The following ELOVL4 variants were observed in gnomAD, a reference collection of about 807,000 sequenced individuals.
ELOVL4 encodes very long chain fatty acid elongase 4.
Under a neutral mutation model 42.1 loss-of-function variants are expected in ELOVL4, and 18 were observed. The ratio of observed to expected loss-of-function variants is 0.43; its 90% confidence interval spans 0.30 to 0.63. The LOEUF is 0.63. ELOVL4 is among the 30% of genes least tolerant of loss of function. The pLI is 0.15. For synonymous variants in ELOVL4, 117 were observed against 127.0 expected, an observed-to-expected ratio of 0.92 and a Z score of 0.53; for missense variants, 299 against 376.2, an observed-to-expected ratio of 0.79 and a Z score of 1.70.
intron 1 of ELOVL4, among the ~76,000 whole-genome samples, chr6:79,941,165 T>C (rs1774637914): frequency 2.0e-5 from 3 of 152,234 alleles, no homozygotes; most frequent in South Asian, 4.1e-4. Flanking sequence ...ATAAAGAAAG[T>C]GATATCTATA....
intron 1 of ELOVL4, among the ~76,000 whole-genome samples, chr6:79,945,985 C>A (rs1331414940): frequency 6.6e-6 from 1 of 152,148 alleles, no homozygotes; most frequent in Admixed American, 6.5e-5. Context: ...AAAATAATTC[C>A]AGCATACGTT....
intron 1 of ELOVL4, among the ~76,000 whole-genome samples, chr6:79,936,107 A>T (rs1774538329): frequency 6.6e-6 from 1 of 152,214 alleles, no homozygotes; most frequent in Non-Finnish European, 1.5e-5. Flanking sequence ...CCTAGATTCT[A>T]TCCGAATAAA....
chr6:79,936,336 C>T (rs1774542283), intron 1 of ELOVL4, among the ~76,000 whole-genome samples: 1 of 152,090 alleles, frequency 6.6e-6, no homozygotes, highest in African/African-American at 2.4e-5. Context: ...CATCTGGCTA[C>T]TGATCACCAC....
At chr6:79,929,354 C>T (rs374253984) in intron 1 of ELOVL4, among the ~76,000 whole-genome samples, 27 of 152,190 alleles carry the variant, frequency 1.8e-4, no homozygotes, top group African/African-American at 5.1e-4. Flanking sequence ...CATCCTCCCA[C>T]CTCAGACTCC....
At chr6:79,935,370 A>G (rs967954261) in intron 1 of ELOVL4, among the ~76,000 whole-genome samples, 5 of 152,182 alleles carry the variant, frequency 3.3e-5, no homozygotes, top group Non-Finnish European at 7.4e-5. Flanking sequence ...AAAAGAAAAA[A>G]CAGTAATTAA....
chr6:79,934,556 T>C (rs1339128121), intron 1 of ELOVL4, among the ~76,000 whole-genome samples: 1 of 152,162 alleles, frequency 6.6e-6, no homozygotes, highest in Non-Finnish European at 1.5e-5. Flanking sequence ...ATGTCTCATG[T>C]CAGAGATAAT....
intron 1 of ELOVL4, among the ~76,000 whole-genome samples, chr6:79,940,882 TAAACAGGTATAGTGTTACAGC>T (rs1190150550): frequency 3.3e-5 from 5 of 152,228 alleles, no homozygotes; most frequent in African/African-American, 1.2e-4. Flanking sequence ...TCCAGATAAT[TAAACAGGTATAGTGTTACAGC>T]AACAAAAGCA....
At chr6:79,924,457 C>T (rs757133388) in intron 3 of ELOVL4, among the ~76,000 whole-genome samples, 1 of 152,076 alleles carries the variant, frequency 6.6e-6, no homozygotes, top group Non-Finnish European at 1.5e-5. Flanking sequence ...TTTTGAGATA[C>T]AAAAACAAAT....
chr6:79,943,909 T>C (rs1185925262), intron 1 of ELOVL4, among the ~76,000 whole-genome samples: 2 of 152,002 alleles, frequency 1.3e-5, no homozygotes, highest in Admixed American at 1.3e-4. Context: ...GTAGACAATT[T>C]TTTTCACCAA....
chr6:79,944,088 C>T (rs1243089261), intron 1 of ELOVL4, among the ~76,000 whole-genome samples: 1 of 152,146 alleles, frequency 6.6e-6, no homozygotes, highest in Non-Finnish European at 1.5e-5. Context: ...CCTACTAACT[C>T]TCTAGGGTGT....
chr6:79,939,031 T>A (rs147692113), intron 1 of ELOVL4, among the ~76,000 whole-genome samples: 2 of 152,340 alleles, frequency 1.3e-5, no homozygotes, highest in Non-Finnish European at 2.9e-5. Context: ...AAGGCCTATC[T>A]CCCAGAGTTA....
chr6:79,919,948 T>C (rs1774224243), intron 4 of ELOVL4, among the ~76,000 whole-genome samples: 1 of 152,198 alleles, frequency 6.6e-6, no homozygotes, highest in Non-Finnish European at 1.5e-5. Flanking sequence ...GGTTTCTAAA[T>C]AGTTTAAAAT....
chr6:79,940,070 A>G (rs1439819730), intron 1 of ELOVL4, among the ~76,000 whole-genome samples: 1 of 152,198 alleles, frequency 6.6e-6, no homozygotes, highest in Non-Finnish European at 1.5e-5. Context: ...CGTGTGTGAA[A>G]AAATATATAA....
intron 1 of ELOVL4, among the ~76,000 whole-genome samples, chr6:79,942,748 T>A (rs992698662): frequency 2.0e-5 from 3 of 152,200 alleles, no homozygotes; most frequent in Non-Finnish European, 2.9e-5. Context: ...CTCCTGGAAT[T>A]CCATCTGCAA....
chr6:79,922,447 C>T (rs563812692), intron 3 of ELOVL4, among the ~76,000 whole-genome samples: 69 of 152,250 alleles, frequency 4.5e-4, no homozygotes, highest in African/African-American at 1.7e-3. Flanking sequence ...TTTTCCTGGG[C>T]TCTAATTAAG....
chr6:79,938,436 T>G (rs1774585656), intron 1 of ELOVL4, among the ~76,000 whole-genome samples: 1 of 152,056 alleles, frequency 6.6e-6, no homozygotes. Flanking sequence ...ATAAGTTGAA[T>G]AGCCACTGGG....
At position 79,936,768 on chromosome 6, in the gene ELOVL4, G is replaced by C. The variant is rs549423320; in HGVS notation, c.101-10387C>G. 4.6e-5 allele frequency among the ~76,000 whole-genome samples: 7 copies of C among 152,290 alleles called. No homozygotes were observed. The East Asian group carries it at 1.2e-3, about 25-fold the overall frequency. ...CATGTCTATCAGTGAGGTGAAAAAG[G>C]CAGAACTAGAAGAGAAGGGCCCTTC... On this transcript the variant is annotated intron_variant, in intron 1 of 5. Transcript: ENST00000369816.
rs62407622 is a variant in ELOVL4 at position 79,947,369 on chromosome 6, C to T, written c.-90G>A. ...AGGCGGTGGCGGCCGACGGGGCGAGCGGCGGCCGGGAACCCCTCTAACGGC... is the reference window on the plus strand; with the variant it reads ...AGGCGGTGGCGGCCGACGGGGCGAGTGGCGGCCGGGAACCCCTCTAACGGC... On this transcript the variant is annotated 5_prime_UTR_variant, in exon 1 of 6. Coordinates refer to ENST00000369816, the MANE Select transcript of ELOVL4 (RefSeq NM_022726.4). The T allele has an allele frequency of 2.6e-5, 27 of 1,024,714 alleles. No individual in the cohort carries two copies. In the African/African-American group the frequency reaches 4.1e-4, roughly 16 times the overall value. 63.5% of individuals were successfully genotyped at this position (1,024,714 alleles called of 1,614,324 possible).
At chr6:79,935,932 T>C (rs1774533797) in intron 1 of ELOVL4, among the ~76,000 whole-genome samples, 1 of 152,236 alleles carries the variant, frequency 6.6e-6, no homozygotes, top group African/African-American at 2.4e-5. Flanking sequence ...AAATGCAGAA[T>C]CTCAGGCCTC....
Sources: gnomAD v4.1 joint callset for allele counts (sites outside exome capture counted in the v4.1 genomes callset) on GRCh38, gnomAD v4.1.1 for gene constraint, MANE v1.5 for transcripts, NCBI Gene and HGNC (gene_info 2026-07-23, HGNC 2026-07-21) for gene names.